The following IFT74 variants were observed in gnomAD, a reference collection of about 807,000 sequenced individuals.
IFT74 encodes the protein intraflagellar transport protein 74 homolog.
In IFT74, 92 loss-of-function variants were observed where a neutral mutation model predicts 96.7. That is an observed-to-expected ratio of 0.95 (90% CI 0.80 to 1.13). The LOEUF is 1.13. Ranked by LOEUF, IFT74 falls within the 50% of genes most tolerant of loss-of-function variation. IFT74 has a pLI of 0.00. For missense variants in IFT74, 811 were observed against 698.2 expected (o/e 1.16, Z -1.82); for synonymous variants, 223 against 213.2 (o/e 1.05, Z -0.40).
chr9:27,049,991 T>C (rs1819853659), intron 16 of IFT74, among the ~76,000 whole-genome samples: 1 of 152,230 alleles, frequency 6.6e-6, no homozygotes, highest in African/African-American at 2.4e-5. Flanking sequence ...ATGTAAGCTA[T>C]ATAAAAATGA....
At chr9:26,994,732 A>G (rs551158285) in intron 8 of IFT74, 4 of 152,738 alleles carry the variant, frequency 2.6e-5, no homozygotes, top group South Asian at 2.1e-4. Flanking sequence ...ATAGCTGTCC[A>G]TGGACCACAT....
intron 12 of IFT74, among the ~76,000 whole-genome samples, chr9:27,027,316 T>A (rs1161623558): frequency 6.8e-6 from 1 of 146,162 alleles, no homozygotes; most frequent in African/African-American, 2.5e-5. Flanking sequence ...TTGAAATGGT[T>A]AAAAAAAAAA....
chr9:27,052,125 G>A (rs1042710979), intron 16 of IFT74, among the ~76,000 whole-genome samples: 26 of 151,982 alleles, frequency 1.7e-4, no homozygotes, highest in Non-Finnish European at 1.9e-4. Flanking sequence ...TTTTTAAAAG[G>A]CAAAAATCAA....
intron 1 of IFT74, among the ~76,000 whole-genome samples, chr9:26,960,864 G>T (rs1826324585): frequency 6.6e-6 from 1 of 151,620 alleles, no homozygotes; most frequent in African/African-American, 2.4e-5. Context: ...CTAAAGTTGA[G>T]GTCAGGGAAC....
At position 26,947,148 on chromosome 9, in the gene IFT74, T is replaced by A; in HGVS notation, c.-20+2T>A. 7.6e-7 allele frequency: 1 copy of A among 1,321,848 alleles called. No individual in the cohort carries two copies. Among genetic ancestry groups the A allele is most frequent in the Non-Finnish European group, 9.9e-7 (1 of 1,014,068 alleles). The allele number at this position is 1,321,848 out of a possible 1,614,324, so 81.9% of individuals were successfully genotyped here. A position where few individuals can be genotyped will look rare whatever the true frequency, so the allele number is the denominator to read the frequency against. The stretch of plus-strand genomic sequence containing the variant: ...CCGCGGCGGGAGAAGAGCCTGCAGG[T>A]AAGGGGCGGCCGGAGACCGGAAGAG... On this transcript the variant is annotated splice_donor_variant, in intron 1 of 19. Coordinates refer to the IFT74 transcript ENST00000433700. LOFTEE classifies it low-confidence loss of function (5UTR_SPLICE).
At chr9:26,990,995 A>T (rs1455931693) in intron 8 of IFT74, among the ~76,000 whole-genome samples, 1 of 152,270 alleles carries the variant, frequency 6.6e-6, no homozygotes, top group African/African-American at 2.4e-5. Flanking sequence ...GTAAACACAC[A>T]TACAAGCACA....
At chr9:27,021,194 C>T (rs1422636487) in intron 12 of IFT74, among the ~76,000 whole-genome samples, 1 of 152,038 alleles carries the variant, frequency 6.6e-6, no homozygotes, top group African/African-American at 2.4e-5. Context: ...TATATACGCA[C>T]ACACACATAC....
Position 27,005,302 on chromosome 9 carries a change from TA to T in IFT74, c.588-3717del, listed in dbSNP as rs1214291997. Among the ~76,000 whole-genome samples the T allele has an allele frequency of 4.9e-5, 7 of 144,328 alleles. No individual in the cohort carries two copies. The South Asian group carries it at 8.8e-4, about 18-fold the overall frequency. The allele number at this position is 144,328 out of a possible 152,430, so 94.7% of individuals were successfully genotyped here. ...ACTTCAGAATGCTCTGTGATTAACATATTTTAAAATAAAAATTCTTATAAAT... is the reference window on the plus strand; with the variant it reads ...ACTTCAGAATGCTCTGTGATTAACATTTTTAAAATAAAAATTCTTATAAAT... On this transcript the variant is annotated intron_variant, in intron 8 of 19. Transcript: ENST00000380062.
intron 13 of IFT74, among the ~76,000 whole-genome samples, chr9:27,038,647 C>G (rs528138485): frequency 2.0e-5 from 3 of 152,198 alleles, no homozygotes; most frequent in East Asian, 3.9e-4. Flanking sequence ...AGGGTGACTT[C>G]GAGGAACACA....
intron 8 of IFT74, among the ~76,000 whole-genome samples, chr9:27,007,599 C>A (rs538908411): frequency 4.4e-4 from 67 of 152,212 alleles, no homozygotes; most frequent in African/African-American, 1.6e-3. Flanking sequence ...TTACTATGTT[C>A]ATCTTTTATT....
At chr9:27,022,177 C>T (rs922530221) in intron 12 of IFT74, among the ~76,000 whole-genome samples, 1 of 152,056 alleles carries the variant, frequency 6.6e-6, no homozygotes, top group Non-Finnish European at 1.5e-5. Context: ...CTATTCTGTG[C>T]CATTGGTCCA....
At chr9:26,987,454 A>G (rs138498406) in intron 6 of IFT74, among the ~76,000 whole-genome samples, 258 of 152,304 alleles carry the variant, frequency 1.7e-3, no homozygotes, top group African/African-American at 5.7e-3. Flanking sequence ...TTATGCTGGA[A>G]CAAATTAGGC....
chr9:27,021,831 A>T (rs1440084555), intron 12 of IFT74, among the ~76,000 whole-genome samples: 1 of 152,152 alleles, frequency 6.6e-6, no homozygotes, highest in African/African-American at 2.4e-5. Flanking sequence ...TTTTAGTTTA[A>T]TTAAGTCCCA....
intron 11 of IFT74, among the ~76,000 whole-genome samples, chr9:27,017,629 T>C (rs1829411158): frequency 6.6e-6 from 1 of 152,248 alleles, no homozygotes; most frequent in East Asian, 1.9e-4. Context: ...TTTGAAGATA[T>C]GTTTCATTAT....
chr9:26,977,247 G>GGGCCTGTT (rs1393867677), intron 2 of IFT74, among the ~76,000 whole-genome samples: 1 of 151,846 alleles, frequency 6.6e-6, no homozygotes, highest in African/African-American at 2.4e-5. Context: ...CCAAGTAGCT[G>GGGCCTGTT]GGCCTGTTGG....
chr9:27,005,841 C>CTTTTTTTTTCTTTTTTTGTGTTTCTTTCT (rs148854686), intron 8 of IFT74: 4 of 151,614 alleles, frequency 2.6e-5, no homozygotes, highest in Non-Finnish European at 1.5e-5. Context: ...GTGTTTCTTT[C>CTTTTTTTTTCTTTTTTTGTGTTTCTTTCT]TTTTTTTTCT....
intron 16 of IFT74, among the ~76,000 whole-genome samples, chr9:27,054,358 C>G (rs1192721372): frequency 6.6e-6 from 1 of 152,158 alleles, no homozygotes; most frequent in East Asian, 1.9e-4. Flanking sequence ...CTTTAGAGAG[C>G]TCTCTTCATC....
intron 1 of IFT74, among the ~76,000 whole-genome samples, chr9:26,957,120 C>T (rs927881421): frequency 1.3e-5 from 2 of 152,140 alleles, no homozygotes; most frequent in Non-Finnish European, 2.9e-5. Flanking sequence ...GGCCAGGCTG[C>T]CTCTCTGTGT....
In IFT74 at chr9:27,062,690, A is replaced by G. The variant is rs764709166; in HGVS notation, c.1757A>G (p.Tyr586Cys). Residue 586 changes from tyrosine to cysteine, a missense_variant, in exon 20 of 20, where the codon TAC becomes TGC. Transcript: ENST00000380062. ...KKNVTKQIAEYNKTIVDALHS... is the reference protein window; with the variant it reads ...KKNVTKQIAECNKTIVDALHS... ...AATGTGACCAAGCAGATTGCAGAGTACAATAAAACCATCGTGGATGCTTTA... is the reference window on the plus strand; with the variant it reads ...AATGTGACCAAGCAGATTGCAGAGTGCAATAAAACCATCGTGGATGCTTTA... 1.9e-6 allele frequency: 3 copies of G among 1,609,118 alleles called. No homozygotes were observed. Among genetic ancestry groups the G allele is most frequent in the South Asian group, 2.2e-5 (2 of 90,156 alleles).
Sources: allele counts gnomAD v4.1 joint callset (sites outside exome capture counted in the v4.1 genomes callset), GRCh38; gene constraint gnomAD v4.1.1; transcripts MANE v1.5; gene names NCBI Gene and HGNC (gene_info 2026-07-23, HGNC 2026-07-21).